The following CYTH3 variants were observed in gnomAD, a reference collection of about 807,000 sequenced individuals.
CYTH3 encodes the protein cytohesin-3.
Under a neutral mutation model 55.1 loss-of-function variants are expected in CYTH3, and 23 were observed. The observed-to-expected ratio is 0.42, with a 90% CI of 0.30 to 0.59. The LOEUF (loss-of-function observed/expected upper bound fraction) is 0.59, where lower values mean the gene tolerates loss of function less well. Ranked by LOEUF, CYTH3 falls within the 20% of genes least tolerant of loss-of-function variation. CYTH3 has a pLI of 0.20. For missense variants in CYTH3, 413 were observed against 524.8 expected, an observed-to-expected ratio of 0.79 and a Z score of 2.08; for synonymous variants, 249 against 194.9, an observed-to-expected ratio of 1.28 and a Z score of -2.31.
chr7:6,181,259 G>C lies in CYTH3; in HGVS notation c.250-3318C>G, dbSNP rs371937381. On this transcript the variant is annotated intron_variant, in intron 4 of 12. Transcript: ENST00000350796. ...CAAAGTTTTGCTTGTTTCTTTGCAT[G>C]CCTTTCCTTTTTTATCCTATGTAGT... 1.8e-4 allele frequency among the ~76,000 whole-genome samples: 27 copies of C among 152,134 alleles called. No homozygotes were observed. In the East Asian group the frequency reaches 5.2e-3, roughly 29 times the overall value.
At chr7:6,255,268 C>G (rs936229909) in intron 1 of CYTH3, among the ~76,000 whole-genome samples, 2 of 152,242 alleles carry the variant, frequency 1.3e-5, no homozygotes, top group East Asian at 3.9e-4. Flanking sequence ...AATGTTTAAA[C>G]AAACTTATGT....
chr7:6,192,033 T>C, intron 1 of CYTH3, among the ~76,000 whole-genome samples: 1 of 151,864 alleles, frequency 6.6e-6, no homozygotes, highest in East Asian at 1.9e-4. Context: ...TGAGCTATGA[T>C]CATGACTGTG....
rs1263989584 is a variant in CYTH3, at chr7:6,167,671, C to A, written c.824-1861G>T. ...CAGCAGGGGCTGCCCTTCCTGGCTCCCCAGCTGTGGCCTTTCTCCCTGCCC... is the reference window on the plus strand; with the variant it reads ...CAGCAGGGGCTGCCCTTCCTGGCTCACCAGCTGTGGCCTTTCTCCCTGCCC... On this transcript the variant is annotated intron_variant, in intron 9 of 12. Coordinates refer to ENST00000350796, the MANE Select transcript of CYTH3 (RefSeq NM_004227.4). The surrounding 1 kb of genome is among the most constrained non-coding windows in gnomAD (Gnocchi z 5.5). 6.6e-6 allele frequency among the ~76,000 whole-genome samples: 1 copy of A among 152,250 alleles called. No homozygotes were observed. Among genetic ancestry groups the A allele is most frequent in the South Asian group, 2.1e-4 (1 of 4,838 alleles).
At chr7:6,205,332 G>C (rs1354547986) in intron 1 of CYTH3, among the ~76,000 whole-genome samples, 1 of 152,142 alleles carries the variant, frequency 6.6e-6, no homozygotes, top group East Asian at 1.9e-4. Flanking sequence ...CGGAACTTTG[G>C]GAGTCCAAGG....
chr7:6,232,412 C>G (rs1230387697), intron 1 of CYTH3, among the ~76,000 whole-genome samples: 1 of 152,174 alleles, frequency 6.6e-6, no homozygotes, highest in Non-Finnish European at 1.5e-5. Context: ...ACTGCTATTC[C>G]CCTGCTCCTT....
At chr7:6,186,051 T>C (rs1783639858) in intron 4 of CYTH3, among the ~76,000 whole-genome samples, 1 of 151,796 alleles carries the variant, frequency 6.6e-6, no homozygotes, top group Non-Finnish European at 1.5e-5. Context: ...AAGACCATCC[T>C]GGCTAACACA....
chr7:6,189,596 G>A lies in CYTH3; in HGVS notation c.117+853C>T, dbSNP rs548519284. Among the ~76,000 whole-genome samples, 26 of 152,038 alleles carry A rather than the reference G, an allele frequency of 1.7e-4. No individual in the cohort carries two copies. In the East Asian group the frequency reaches 3.3e-3, roughly 19 times the overall value. ...AGTGCTGGGATAACAGGTGTGAGCCGCTGTGCCCGGCCTAATGTGTCATCC... is the reference window on the plus strand; with the variant it reads ...AGTGCTGGGATAACAGGTGTGAGCCACTGTGCCCGGCCTAATGTGTCATCC... On this transcript the variant is annotated intron_variant, in intron 2 of 12. Transcript: ENST00000350796.
chr7:6,241,014 C>A (rs1779659441), intron 1 of CYTH3, among the ~76,000 whole-genome samples: 1 of 151,610 alleles, frequency 6.6e-6, no homozygotes, highest in Non-Finnish European at 1.5e-5. Context: ...CCCAGTGACT[C>A]AGGAGGCTGA....
chr7:6,191,591 CTTTTT>C (rs1172231329), intron 1 of CYTH3, among the ~76,000 whole-genome samples: 13 of 105,060 alleles, frequency 1.2e-4, no homozygotes, highest in Admixed American at 9.4e-4. Context: ...TAGGGAAGGA[CTTTTT>C]TTTTTTTTTT....
chr7:6,261,574 G>A (rs1432622577), intron 1 of CYTH3, among the ~76,000 whole-genome samples: 1 of 151,566 alleles, frequency 6.6e-6, no homozygotes, highest in African/African-American at 2.4e-5. Flanking sequence ...TAATTAGCTG[G>A]GCATGGTGGC....
intron 4 of CYTH3, among the ~76,000 whole-genome samples, chr7:6,179,721 C>T (rs1783437679): frequency 8.8e-6 from 1 of 114,162 alleles, no homozygotes; most frequent in Non-Finnish European, 1.8e-5. Context: ...ACCCCACACA[C>T]CACACACACA....
chr7:6,239,885 T>C (rs757101510), intron 1 of CYTH3, among the ~76,000 whole-genome samples: 1 of 152,224 alleles, frequency 6.6e-6, no homozygotes, highest in Non-Finnish European at 1.5e-5. Context: ...AGGCATATCA[T>C]GTTCTTGGAA....
chr7:6,202,540 C>T (rs749495899), intron 1 of CYTH3, among the ~76,000 whole-genome samples: 4 of 151,360 alleles, frequency 2.6e-5, no homozygotes, highest in African/African-American at 4.9e-5. Context: ...CTCAGCTCAC[C>T]GCAACCTCCG....
chr7:6,171,107 C>T lies in CYTH3; in HGVS notation c.562+95G>A, dbSNP rs1040587455. On this transcript the variant is annotated intron_variant, in intron 7 of 12. Coordinates refer to ENST00000350796, the MANE Select transcript of CYTH3 (RefSeq NM_004227.4). This position sits in a 1 kb window ranked among gnomAD's most constrained non-coding sequence, Gnocchi z 6.7. ...TCCTCGCTCAGGGAAGGCAGGTCCC[C>T]AGGAACACACGCTGGGCTGTGCCCA... 1.3e-5 allele frequency: 20 copies of T among 1,584,686 alleles called. No homozygotes were observed. Among genetic ancestry groups the T allele is most frequent in the Non-Finnish European group, 3.5e-6 (4 of 1,157,450 alleles).
chr7:6,263,987 C>G (rs1780420871), intron 1 of CYTH3, among the ~76,000 whole-genome samples: 1 of 152,018 alleles, frequency 6.6e-6, no homozygotes, highest in Non-Finnish European at 1.5e-5. Context: ...TTGCTCACAC[C>G]TGTAATCCCA....
intron 1 of CYTH3, among the ~76,000 whole-genome samples, chr7:6,262,000 G>T (rs1315232535): frequency 6.6e-6 from 1 of 151,540 alleles, no homozygotes; most frequent in East Asian, 1.9e-4. Context: ...AATGCCAGCA[G>T]AAAATTGGAA....
intron 1 of CYTH3, among the ~76,000 whole-genome samples, chr7:6,197,166 C>G (rs1197887685): frequency 6.6e-6 from 1 of 152,112 alleles, no homozygotes; most frequent in Admixed American, 6.6e-5. Context: ...TTCAGTAATA[C>G]CTATCTTTTC....
intron 4 of CYTH3, among the ~76,000 whole-genome samples, chr7:6,178,622 T>C (rs1377713479): frequency 6.6e-6 from 1 of 152,272 alleles, no homozygotes; most frequent in Non-Finnish European, 1.5e-5. Flanking sequence ...AGGGACCGCC[T>C]TCTTGCCACT....
chr7:6,207,508 T>C (rs1247938620), intron 1 of CYTH3, among the ~76,000 whole-genome samples: 2 of 152,136 alleles, frequency 1.3e-5, no homozygotes, highest in Admixed American at 6.5e-5. Flanking sequence ...CACACACCTG[T>C]AATCCCAGTA....
Sources: gnomAD v4.1 joint callset for allele counts (sites outside exome capture counted in the v4.1 genomes callset) on GRCh38, gnomAD v4.1.1 for gene constraint, Gnocchi (gnomAD v3.1) non-coding constraint, MANE v1.5 for transcripts, NCBI Gene and HGNC (gene_info 2026-07-23, HGNC 2026-07-21) for gene names.